The following SPOCK1 variants were observed in gnomAD, a reference collection of about 807,000 sequenced individuals.
SPOCK1 encodes the protein testican-1.
SPOCK1 carries 23 observed loss-of-function variants against 55.3 expected under a neutral mutation model. That is an observed-to-expected ratio of 0.42 (90% CI 0.30 to 0.59). The LOEUF is 0.59. SPOCK1 is among the 20% of genes least tolerant of loss of function. The pLI, the probability that SPOCK1 is intolerant of heterozygous loss-of-function variation, is 0.22. For synonymous variants in SPOCK1, 226 were observed against 221.0 expected, an observed-to-expected ratio of 1.02 and a Z score of -0.20; for missense variants, 499 against 552.5, an observed-to-expected ratio of 0.90 and a Z score of 0.97.
chr5:137,482,180 G>T (rs1305895701), intron 2 of SPOCK1, among the ~76,000 whole-genome samples: 3 of 152,202 alleles, frequency 2.0e-5, no homozygotes, highest in Non-Finnish European at 2.9e-5. Context: ...CTCTCTGCCA[G>T]CCATGGCATG....
chr5:137,000,609 T>C (rs1176155452), intron 6 of SPOCK1, among the ~76,000 whole-genome samples: 1 of 152,194 alleles, frequency 6.6e-6, no homozygotes, highest in African/African-American at 2.4e-5. Context: ...CTACATGCCA[T>C]GGGAGCATGA....
intron 3 of SPOCK1, among the ~76,000 whole-genome samples, chr5:137,256,782 G>C (rs1178485589): frequency 6.6e-6 from 1 of 152,092 alleles, no homozygotes; most frequent in Non-Finnish European, 1.5e-5. Flanking sequence ...GCTGCACCAA[G>C]TCAGAGGGAC....
At chr5:137,032,946 GAGA>G (rs1751810658) in intron 6 of SPOCK1, among the ~76,000 whole-genome samples, 1 of 152,192 alleles carries the variant, frequency 6.6e-6, no homozygotes, top group South Asian at 2.1e-4. Context: ...TCCTGTTCCT[GAGA>G]AGAAGAGATG....
At chr5:137,435,468 T>A (rs530862015) in intron 2 of SPOCK1, among the ~76,000 whole-genome samples, 2 of 152,262 alleles carry the variant, frequency 1.3e-5, no homozygotes, top group South Asian at 2.1e-4. Flanking sequence ...ACCAATTTTT[T>A]TGTATGTTTC....
chr5:137,319,818 G>A (rs931681212), intron 2 of SPOCK1, among the ~76,000 whole-genome samples: 6 of 151,724 alleles, frequency 4.0e-5, no homozygotes, highest in African/African-American at 9.7e-5. Context: ...GGTGGCGGGC[G>A]CCTGTAGTCC....
At chr5:137,446,108 G>A (rs1753121741) in intron 2 of SPOCK1, among the ~76,000 whole-genome samples, 1 of 152,126 alleles carries the variant, frequency 6.6e-6, no homozygotes, top group African/African-American at 2.4e-5. Flanking sequence ...TTATATATAT[G>A]CAGGCTCCAC....
chr5:137,203,692 G>T (rs1755468562), intron 3 of SPOCK1, among the ~76,000 whole-genome samples: 1 of 152,144 alleles, frequency 6.6e-6, no homozygotes, highest in Non-Finnish European at 1.5e-5. Flanking sequence ...CCACGTAAAT[G>T]AATTTAAAGT....
intron 4 of SPOCK1, among the ~76,000 whole-genome samples, chr5:137,136,964 G>A (rs749104097): frequency 1.1e-4 from 17 of 152,198 alleles, no homozygotes; most frequent in Non-Finnish European, 1.9e-4. Flanking sequence ...AGCAGGGGAG[G>A]GCTGGCTGCC....
chr5:137,021,350 G>A (rs1218265294), intron 6 of SPOCK1, among the ~76,000 whole-genome samples: 1 of 152,104 alleles, frequency 6.6e-6, no homozygotes, highest in Non-Finnish European at 1.5e-5. Context: ...GCAAATATGT[G>A]CCAAACTATA....
chr5:137,343,511 G>A (rs1420919762), intron 2 of SPOCK1, among the ~76,000 whole-genome samples: 1 of 152,204 alleles, frequency 6.6e-6, no homozygotes, highest in Non-Finnish European at 1.5e-5. Flanking sequence ...CTGTGGAAGA[G>A]CCTTGCAGAA....
At chr5:137,384,218 G>A (rs560289655) in intron 2 of SPOCK1, among the ~76,000 whole-genome samples, 10 of 152,332 alleles carry the variant, frequency 6.6e-5, no homozygotes, top group South Asian at 2.1e-4. Context: ...CCTTTGTGGC[G>A]GGAACAAGGC....
chr5:137,132,681 A>G (rs148306241), intron 4 of SPOCK1, among the ~76,000 whole-genome samples: 47 of 152,334 alleles, frequency 3.1e-4, no homozygotes, highest in African/African-American at 1.1e-3. Flanking sequence ...TTCAACCATA[A>G]AACATTCTCC....
intron 4 of SPOCK1, among the ~76,000 whole-genome samples, chr5:137,125,837 G>A (rs903828689): frequency 1.3e-5 from 2 of 152,206 alleles, no homozygotes; most frequent in Non-Finnish European, 2.9e-5. Context: ...GGACGAGTCT[G>A]AATGTGCATG....
At chr5:137,179,374 C>G (rs1053524753) in intron 3 of SPOCK1, among the ~76,000 whole-genome samples, 1 of 152,162 alleles carries the variant, frequency 6.6e-6, no homozygotes, top group South Asian at 2.1e-4. Flanking sequence ...CTTAATAGGA[C>G]ATAATGCTAC....
At chr5:137,254,689 A>G (rs886614127) in intron 3 of SPOCK1, among the ~76,000 whole-genome samples, 2 of 152,234 alleles carry the variant, frequency 1.3e-5, no homozygotes, top group African/African-American at 2.4e-5. Flanking sequence ...CTGGTGGCCT[A>G]TAGGGAAGAA....
Position 137,420,400 on chromosome 5 carries a change from A to C in SPOCK1, c.186+77973T>G, listed in dbSNP as rs1752460315. On this transcript the variant is annotated intron_variant, in intron 2 of 10. Coordinates refer to ENST00000394945, the MANE Select transcript of SPOCK1 (RefSeq NM_004598.4). ...CAGCTCCTCCTTGTACCTCTGGTAG[A>C]ATTCAGCTGTGAATCCATCTGGTCC... 2.0e-5 allele frequency among the ~76,000 whole-genome samples: 3 copies of C among 152,346 alleles called. No individual in the cohort carries two copies. The South Asian group carries it at 6.2e-4, about 32-fold the overall frequency.
chr5:137,129,294 T>A (rs540873946), intron 4 of SPOCK1, among the ~76,000 whole-genome samples: 1 of 152,354 alleles, frequency 6.6e-6, no homozygotes, highest in East Asian at 1.9e-4. Flanking sequence ...CTGAGAACAC[T>A]TCCTCTCCTC....
intron 3 of SPOCK1, among the ~76,000 whole-genome samples, chr5:137,230,340 C>T (rs1166733549): frequency 6.6e-6 from 1 of 152,146 alleles, no homozygotes; most frequent in Admixed American, 6.5e-5. Flanking sequence ...GAAAAATCGC[C>T]CCATCAGCTT....
intron 2 of SPOCK1, among the ~76,000 whole-genome samples, chr5:137,454,150 G>A (rs895485709): frequency 1.3e-5 from 2 of 152,164 alleles, no homozygotes; most frequent in Non-Finnish European, 2.9e-5. Flanking sequence ...AAATAGAATT[G>A]TTGTCTCTGT....
Sources: gnomAD v4.1 joint callset for allele counts (sites outside exome capture counted in the v4.1 genomes callset) on GRCh38, gnomAD v4.1.1 for gene constraint, MANE v1.5 for transcripts, NCBI Gene and HGNC (gene_info 2026-07-23, HGNC 2026-07-21) for gene names.